DNAH5: variants seen among roughly 807,000 people sequenced by gnomAD.
DNAH5 encodes dynein axonemal heavy chain 5.
A neutral mutation model predicts 518.2 loss-of-function variants in DNAH5; 372 were observed. The observed-to-expected ratio is 0.72, with a 90% CI of 0.66 to 0.78. The LOEUF (loss-of-function observed/expected upper bound fraction) is 0.78, where lower values mean the gene tolerates loss of function less well. DNAH5 is among the 30% of genes least tolerant of loss of function. The pLI, the probability that DNAH5 is intolerant of heterozygous loss-of-function variation, is 0.00. For synonymous variants in DNAH5, 2,039 were observed against 2,025.9 expected, an observed-to-expected ratio of 1.01 and a Z score of -0.17; for missense variants, 5,523 against 5,687.0, an observed-to-expected ratio of 0.97 and a Z score of 0.93.
chr5:13,991,660 A>G (rs1783560966), intron 1 of DNAH5, among the ~76,000 whole-genome samples: 2 of 151,820 alleles, frequency 1.3e-5, no homozygotes, highest in Admixed American at 1.3e-4. Flanking sequence ...AGGAAAGAGG[A>G]GTCATGGAGA....
At position 13,690,815 on chromosome 5, in the gene DNAH5, G is replaced by T; in HGVS notation, c.*1169C>A. 1 of 152,118 alleles carries T rather than the reference G, an allele frequency of 6.6e-6. No homozygotes were observed. Among genetic ancestry groups the T allele is most frequent in the Non-Finnish European group, 1.5e-5 (1 of 68,030 alleles). 9.4% of individuals were successfully genotyped at this position (152,118 alleles called of 1,614,324 possible). A position where few individuals can be genotyped will look rare whatever the true frequency, so the allele number is the denominator to read the frequency against. On this transcript the variant is annotated 3_prime_UTR_variant, in exon 79 of 79. Transcript: ENST00000265104. ...CCTAATTAATAAAAGTCCATAGAAA[G>T]TCCCTACGCACCGTCTAATATTTCT... is the stretch of plus-strand genomic sequence containing the variant.
intron 1 of DNAH5, among the ~76,000 whole-genome samples, chr5:13,999,260 A>G (rs527681371): frequency 2.6e-5 from 4 of 152,348 alleles, no homozygotes; most frequent in East Asian, 3.9e-4. Context: ...TCAAGTATAC[A>G]TTATTGCTAA....
At chr5:13,833,712 C>T (rs1226428812) in intron 35 of DNAH5, among the ~76,000 whole-genome samples, 1 of 152,168 alleles carries the variant, frequency 6.6e-6, no homozygotes, top group Non-Finnish European at 1.5e-5. Flanking sequence ...CAAGTCCTGT[C>T]TACATTTCTT....
At chr5:13,825,346 AAAATAAAT>A (rs143083505) in intron 38 of DNAH5, among the ~76,000 whole-genome samples, 167 of 150,612 alleles carry the variant, frequency 1.1e-3, no homozygotes, top group African/African-American at 3.8e-3. Flanking sequence ...TGTCTTGCAA[AAAATAAAT>A]AAATAAATAA....
chr5:13,727,762 A>C (rs1745954564), intron 69 of DNAH5, 106 bp from the exon 70 acceptor site: 1 of 1,206,876 alleles, frequency 8.3e-7, no homozygotes. Context: ...GATATGTGTA[A>C]ATTATATTCC....
chr5:13,907,181 A>G (rs1561546756), intron 12 of DNAH5, among the ~76,000 whole-genome samples: 1 of 152,168 alleles, frequency 6.6e-6, no homozygotes, highest in Non-Finnish European at 1.5e-5. Context: ...CTGTAATCCC[A>G]GCACTTTGGG....
intron 35 of DNAH5, among the ~76,000 whole-genome samples, chr5:13,833,016 C>T (rs564874639): frequency 1.3e-4 from 20 of 151,734 alleles, no homozygotes; most frequent in South Asian, 6.2e-4. Flanking sequence ...AACAATGGTA[C>T]GTGCATCAGC....
rs759615079 is a variant in DNAH5 at position 13,867,892 on chromosome 5, C to T, written c.3935G>A (p.Arg1312His). ...LHYAWEKLLA[R>H]AGEVQNKLVS... is the part of the protein sequence containing the mutation. The stretch of plus-strand genomic sequence containing the variant: ...TAATTTATTCTGGACTTCGCCAGCA[C>T]GTGCCAGCAGCTTCTCCCAAGCATA... Residue 1312 changes from arginine (R) to histidine (H), a missense_variant, in exon 25 of 79, where the codon CGT (arginine) becomes CAT (histidine). This residue lies in a region of DNAH5 where 5,121 missense variants were observed against 5,223.3 expected (regional missense o/e 0.98). Coordinates refer to ENST00000265104, the MANE Select transcript of DNAH5 (RefSeq NM_001369.3). The T allele has an allele frequency of 2.0e-5, 33 of 1,613,970 alleles. No individual in the cohort carries two copies. Among genetic ancestry groups the T allele is most frequent in the Non-Finnish European group, 2.5e-5 (29 of 1,179,992 alleles).
At chr5:13,791,181 C>G (rs1756932089) in intron 50 of DNAH5, among the ~76,000 whole-genome samples, 1 of 151,940 alleles carries the variant, frequency 6.6e-6, no homozygotes, top group Non-Finnish European at 1.5e-5. Context: ...TAGTAATCAA[C>G]ACTTGTGCTT....
At position 14,000,635 on chromosome 5, in the gene DNAH5, C is replaced by CAAAAA. The variant is rs111658670; in HGVS notation, c.12+11008_12+11012dup. 2.1e-3 allele frequency among the ~76,000 whole-genome samples: 267 copies of CAAAAA among 126,242 alleles called. 1 individual carries two copies. The highest frequency in any genetic ancestry group is 7.6e-3 in the African/African-American group (249 of 32,682). 82.8% of individuals were successfully genotyped at this position (126,242 alleles called of 152,430 possible). Reference sequence around the variant, plus strand: ...ATCAGAATGGCTTTTGTTAAAAAGCCAAAAAAAAAAAATGGATGCTGGCAA... The same window carrying CAAAAA: ...ATCAGAATGGCTTTTGTTAAAAAGCCAAAAAAAAAAAAAAAAATGGATGCTGGCAA... On this transcript the variant is annotated intron_variant, in intron 1 of 78. Transcript: ENST00000681290.
intron 47 of DNAH5, among the ~76,000 whole-genome samples, chr5:13,806,127 T>A (rs747200211): frequency 4.6e-5 from 7 of 152,180 alleles, no homozygotes; most frequent in Non-Finnish European, 1.0e-4. Context: ...AAAGAGAATG[T>A]CCTCCTAAGG....
At chr5:14,004,466 G>A (rs995413793) in intron 1 of DNAH5, among the ~76,000 whole-genome samples, 1 of 152,204 alleles carries the variant, frequency 6.6e-6, no homozygotes, top group Non-Finnish European at 1.5e-5. Context: ...AGAACAAGGA[G>A]TCCTTTTCTA....
intron 73 of DNAH5, 105 bp from the exon 74 acceptor site, chr5:13,716,795 C>T (rs1744342603): frequency 1.3e-6 from 1 of 790,842 alleles, no homozygotes; most frequent in Admixed American, 2.0e-5. Context: ...TTCAGTCAGT[C>T]ACTCTTCATC....
intron 1 of DNAH5, among the ~76,000 whole-genome samples, chr5:13,936,878 T>C (rs1359314772): frequency 2.0e-5 from 3 of 152,164 alleles, no homozygotes; most frequent in Non-Finnish European, 2.9e-5. Flanking sequence ...GATGGGGCTA[T>C]TGGGTCTGAG....
At chr5:13,993,328 G>A (rs1465452172) in intron 1 of DNAH5, among the ~76,000 whole-genome samples, 1 of 152,120 alleles carries the variant, frequency 6.6e-6, no homozygotes, top group Non-Finnish European at 1.5e-5. Context: ...CTTTAAGCAG[G>A]TGGAACATAT....
rs148930046 is a variant in DNAH5 at position 13,935,430 on chromosome 5, T to C, written c.58-4186A>G. 7.6e-3 allele frequency among the ~76,000 whole-genome samples: 1,153 copies of C among 152,330 alleles called. 18 individuals carry two copies. Among genetic ancestry groups the C allele is most frequent in the African/African-American group, 0.027 (1,108 of 41,592 alleles). ...AGCTTTATTTATATAAAGCTAATTA[T>C]TGACATATTTTTAAGTAAATGTTTT... On this transcript the variant is annotated intron_variant, in intron 1 of 78. Coordinates refer to ENST00000265104, the MANE Select transcript of DNAH5 (RefSeq NM_001369.3).
At chr5:13,929,093 G>C (rs1308481286) in intron 2 of DNAH5, among the ~76,000 whole-genome samples, 1 of 152,202 alleles carries the variant, frequency 6.6e-6, no homozygotes, top group Non-Finnish European at 1.5e-5. Flanking sequence ...AGATGAAAGT[G>C]ACAGATAAAG....
rs1397223291 is a variant in DNAH5 at position 13,865,814 on chromosome 5, A to G, written c.4209T>C (p.Leu1403=). The G allele has an allele frequency of 1.2e-6, 2 of 1,613,858 alleles. No homozygotes were observed. Among genetic ancestry groups the G allele is most frequent in the East Asian group, 4.5e-5 (2 of 44,858 alleles). ...GAAGATTTAGTTGCTTCTTTATTTC[A>G]AGAAGCTGAGGATACTGTGTAGCTG... ...GLPATQYPQL[L]EIKKQLNLLQ... Residue 1403 remains leucine (L), a synonymous_variant, in exon 27 of 79, where the codon CTT becomes CTC. Coordinates refer to ENST00000265104, the MANE Select transcript of DNAH5 (RefSeq NM_001369.3).
At chr5:13,873,421 GT>G (rs1692893278) in intron 22 of DNAH5, among the ~76,000 whole-genome samples, 2 of 151,976 alleles carry the variant, frequency 1.3e-5, no homozygotes, top group South Asian at 4.1e-4. Context: ...CCTCAATCTT[GT>G]TTTTCTCATC....
Sources: gnomAD v4.1 joint callset for allele counts (sites outside exome capture counted in the v4.1 genomes callset) on GRCh38, gnomAD v4.1.1 for gene constraint, gnomAD v4.1.1 regional missense constraint, MANE v1.5 for transcripts, NCBI Gene and HGNC (gene_info 2026-07-23, HGNC 2026-07-21) for gene names.